The following ESCO1 variants were observed in gnomAD, a reference collection of about 807,000 sequenced individuals.
The protein encoded by ESCO1 is establishment of sister chromatid cohesion N-acetyltransferase 1.
ESCO1 carries 33 observed loss-of-function variants against 83.5 expected under a neutral mutation model. The observed-to-expected ratio is 0.40, with a 90% CI of 0.30 to 0.53. ESCO1 has a LOEUF of 0.53. Among genes scored for constraint, ESCO1 ranks in the 20% least tolerant of loss-of-function variants. ESCO1 has a pLI of 0.63. For synonymous variants in ESCO1, 332 were observed against 324.3 expected, an observed-to-expected ratio of 1.02 and a Z score of -0.25; for missense variants, 855 against 968.0, an observed-to-expected ratio of 0.88 and a Z score of 1.55.
chr18:21,599,054 A>G (rs1356872003), intron 1 of ESCO1, among the ~76,000 whole-genome samples: 1 of 152,088 alleles, frequency 6.6e-6, no homozygotes, highest in Non-Finnish European at 1.5e-5. Flanking sequence ...AAAAAAAAAA[A>G]AAATTCACCA....
At chr18:21,534,172 C>T (rs762683240) in intron 10 of ESCO1, among the ~76,000 whole-genome samples, 2 of 152,202 alleles carry the variant, frequency 1.3e-5, no homozygotes, top group Non-Finnish European at 2.9e-5. Flanking sequence ...ATCAAGCATA[C>T]ATCTGTGCAA....
intron 2 of ESCO1, among the ~76,000 whole-genome samples, chr18:21,581,960 T>C (rs895916490): frequency 4.0e-5 from 6 of 151,008 alleles, no homozygotes; most frequent in Non-Finnish European, 8.8e-5. Context: ...GTGTGGTGCA[T>C]ACCTATAGTC....
chr18:21,557,340 C>T (rs1430074979), intron 8 of ESCO1, among the ~76,000 whole-genome samples: 1 of 152,144 alleles, frequency 6.6e-6, no homozygotes, highest in African/African-American at 2.4e-5. Context: ...TTATTCCTCA[C>T]AAAAATGTTA....
chr18:21,545,746 T>G (rs1466488937), intron 8 of ESCO1, among the ~76,000 whole-genome samples: 1 of 151,762 alleles, frequency 6.6e-6, no homozygotes, highest in East Asian at 2.0e-4. Flanking sequence ...CTGGCCAACA[T>G]GGCGAAACCC....
chr18:21,539,545 T>C (rs1008313342), intron 9 of ESCO1, among the ~76,000 whole-genome samples: 5 of 152,310 alleles, frequency 3.3e-5, no homozygotes, highest in African/African-American at 9.6e-5. Flanking sequence ...CAATCTGTTA[T>C]CCTCTTAAAA....
At chr18:21,561,331 T>C (rs1000197900) in intron 7 of ESCO1, among the ~76,000 whole-genome samples, 2 of 152,144 alleles carry the variant, frequency 1.3e-5, no homozygotes, top group Non-Finnish European at 2.9e-5. Flanking sequence ...ATACTACTAG[T>C]GTGTAGAGGA....
chr18:21,558,726 CAAAAAA>C (rs59435992), intron 8 of ESCO1, among the ~76,000 whole-genome samples: 1 of 87,734 alleles, frequency 1.1e-5, no homozygotes, highest in Non-Finnish European at 2.2e-5. Context: ...GACTCTGCCT[CAAAAAA>C]AAAAAAAAAA....
At chr18:21,592,628 C>T (rs1464577101) in intron 1 of ESCO1, among the ~76,000 whole-genome samples, 3 of 145,162 alleles carry the variant, frequency 2.1e-5, no homozygotes, top group Non-Finnish European at 4.5e-5. Flanking sequence ...CCCTCCCGGA[C>T]GGGGCGGCTG....
At position 21,573,284 on chromosome 18, in the gene ESCO1, C is replaced by T. The variant is rs766599063; in HGVS notation, c.1530+30G>A. Reference sequence around the variant, plus strand: ...ATTTCTTACAGAAAATATTTCGGCACCTCTATTGTGCATAATAAAAACAGA... The same window carrying T: ...ATTTCTTACAGAAAATATTTCGGCATCTCTATTGTGCATAATAAAAACAGA... On this transcript the variant is annotated intron_variant, in intron 4 of 11. Transcript: ENST00000269214. 9.9e-6 allele frequency: 15 copies of T among 1,516,646 alleles called. No homozygotes were observed. In the Admixed American group the frequency reaches 3.2e-4, roughly 32 times the overall value. 93.9% of individuals were successfully genotyped at this position (1,516,646 alleles called of 1,614,324 possible).
At chr18:21,554,358 T>G (rs2038085319) in intron 8 of ESCO1, among the ~76,000 whole-genome samples, 1 of 152,326 alleles carries the variant, frequency 6.6e-6, no homozygotes, top group Non-Finnish European at 1.5e-5. Context: ...TACTCATAAT[T>G]GCCAAACTTT....
chr18:21,566,304 T>A, intron 5 of ESCO1, 98 bp from the exon 6 acceptor site: 1 of 1,030,392 alleles, frequency 9.7e-7, no homozygotes, highest in Non-Finnish European at 1.4e-6. Flanking sequence ...AAACCTTCAA[T>A]GCATTAAATG....
At chr18:21,589,420 ATTTAT>A (rs1239565620) in intron 1 of ESCO1, among the ~76,000 whole-genome samples, 2 of 151,250 alleles carry the variant, frequency 1.3e-5, no homozygotes, top group Non-Finnish European at 2.9e-5. Flanking sequence ...TTTCTTTGTT[ATTTAT>A]TTATTTATTG....
rs2038415884 is a variant in ESCO1 at position 21,576,123 on chromosome 18, T to G, written c.-693-346A>C. ...GATAACTATATACATAGAAAAAGAC[T>G]GAAATACAGTTAAAGAAGGAAGATT... On this transcript the variant is annotated intron_variant, in intron 2 of 11. Transcript: ENST00000269214. Among the ~76,000 whole-genome samples, 3 of 152,082 alleles carry G rather than the reference T, an allele frequency of 2.0e-5. No individual in the cohort carries two copies. In the South Asian group the frequency reaches 6.2e-4, roughly 32 times the overall value.
At chr18:21,533,380 C>G (rs183269062) in intron 10 of ESCO1, among the ~76,000 whole-genome samples, 3 of 152,244 alleles carry the variant, frequency 2.0e-5, no homozygotes, top group Admixed American at 2.0e-4. Flanking sequence ...ACTGCAACCT[C>G]TGCCTCCTGG....
intron 8 of ESCO1, among the ~76,000 whole-genome samples, chr18:21,545,581 A>G (rs1737289129): frequency 6.6e-6 from 1 of 151,904 alleles, no homozygotes; most frequent in South Asian, 2.1e-4. Context: ...TCAAAAAAAA[A>G]AAAAAAATTT....
intron 10 of ESCO1, 143 bp from the exon 11 acceptor site, chr18:21,532,803 C>A: frequency 1.4e-6 from 1 of 707,722 alleles, no homozygotes; most frequent in Non-Finnish European, 2.2e-6. Flanking sequence ...TTTTAGGAAA[C>A]AGACAATCTG....
intron 1 of ESCO1, among the ~76,000 whole-genome samples, chr18:21,597,428 G>A (rs571089721): frequency 6.6e-6 from 1 of 151,656 alleles, no homozygotes; most frequent in Non-Finnish European, 1.5e-5. Flanking sequence ...GGGAGGCTGA[G>A]GCAAGAGGAT....
At chr18:21,597,234 T>G (rs1443931167) in intron 1 of ESCO1, among the ~76,000 whole-genome samples, 1 of 152,162 alleles carries the variant, frequency 6.6e-6, no homozygotes, top group Non-Finnish European at 1.5e-5. Flanking sequence ...CAGAAACATA[T>G]ATAGCAACAG....
chr18:21,566,304 T>G, intron 5 of ESCO1, 98 bp from the exon 6 acceptor site: 2 of 1,030,392 alleles, frequency 1.9e-6, no homozygotes, highest in South Asian at 1.5e-5. Flanking sequence ...AAACCTTCAA[T>G]GCATTAAATG....
Sources: allele counts gnomAD v4.1 joint callset (sites outside exome capture counted in the v4.1 genomes callset), GRCh38; gene constraint gnomAD v4.1.1; transcripts MANE v1.5; gene names NCBI Gene and HGNC (gene_info 2026-07-23, HGNC 2026-07-21).